Variants in UNC79 observed in about 807,000 individuals in gnomAD.
UNC79 encodes the protein protein unc-79 homolog.
In UNC79, 37 loss-of-function variants were observed where a neutral mutation model predicts 283.1. The ratio of observed to expected loss-of-function variants is 0.13; its 90% CI spans 0.10 to 0.17. The LOEUF (loss-of-function observed/expected upper bound fraction) is 0.17, where lower values mean the gene tolerates loss of function less well. Among genes scored for constraint, UNC79 ranks in the 10% least tolerant of loss-of-function variants. UNC79 has a pLI of 1.00. For missense variants in UNC79, 2,272 were observed against 3,211.1 expected (o/e 0.71, Z 7.07); for synonymous variants, 1,107 against 1,200.2 (o/e 0.92, Z 1.61).
intron 47 of UNC79, among the ~76,000 whole-genome samples, chr14:93,701,688 T>A (rs1461407018): frequency 2.6e-5 from 4 of 152,148 alleles, no homozygotes; most frequent in Non-Finnish European, 5.9e-5. Flanking sequence ...AAATTAACAT[T>A]TCTGAAATAG....
At chr14:93,389,102 A>G (rs569736757) in intron 1 of UNC79, among the ~76,000 whole-genome samples, 3 of 152,270 alleles carry the variant, frequency 2.0e-5, no homozygotes, top group African/African-American at 7.2e-5. Flanking sequence ...TTTCCTGGTC[A>G]TGGAGGATGG....
intron 4 of UNC79, among the ~76,000 whole-genome samples, chr14:93,487,325 G>A (rs1255869289): frequency 6.6e-6 from 1 of 151,852 alleles, no homozygotes; most frequent in African/African-American, 2.4e-5. Flanking sequence ...TTATCTTTGG[G>A]CACACAGAGG....
intron 1 of UNC79, among the ~76,000 whole-genome samples, chr14:93,405,380 A>G (rs548121944): frequency 2.6e-5 from 4 of 152,306 alleles, no homozygotes; most frequent in South Asian, 4.1e-4. Flanking sequence ...TGTTATATCA[A>G]TAACTAAAAA....
At chr14:93,654,229 G>A (rs1596252412) in intron 37 of UNC79, among the ~76,000 whole-genome samples, 1 of 152,250 alleles carries the variant, frequency 6.6e-6, no homozygotes, top group Non-Finnish European at 1.5e-5. Context: ...AGTGGCTCAT[G>A]CCTATAATCC....
Position 93,571,092 on chromosome 14 carries a change from A to AT in UNC79, c.1756-796dup, listed in dbSNP as rs201608839. On this transcript the variant is annotated intron_variant, in intron 14 of 48. Transcript: ENST00000555664. ...TGGAGCTTTAAAATAGAATTGATTG[A>AT]TTTTTTGGAATAATCTGGAATTCTA... is the stretch of plus-strand genomic sequence containing the variant. 5.5e-3 allele frequency among the ~76,000 whole-genome samples: 831 copies of AT among 152,312 alleles called. 3 individuals are homozygous for AT. Among genetic ancestry groups the AT allele is most frequent in the Non-Finnish European group, 6.3e-3 (426 of 68,026 alleles).
At chr14:93,463,449 A>G (rs1343379098) in intron 1 of UNC79, among the ~76,000 whole-genome samples, 1 of 152,166 alleles carries the variant, frequency 6.6e-6, no homozygotes, top group East Asian at 1.9e-4. Flanking sequence ...ATGGAAAGGC[A>G]GGAGAGAGGT....
At chr14:93,439,188 A>G (rs1411058813) in intron 1 of UNC79, among the ~76,000 whole-genome samples, 1 of 151,998 alleles carries the variant, frequency 6.6e-6, no homozygotes, top group Non-Finnish European at 1.5e-5. Flanking sequence ...CTCAATTTTT[A>G]TGCCTCTAAT....
At chr14:93,575,568 G>GT (rs1205879913) in intron 17 of UNC79, among the ~76,000 whole-genome samples, 5 of 150,674 alleles carry the variant, frequency 3.3e-5, no homozygotes, top group Admixed American at 6.6e-5. Flanking sequence ...TTGGATGATT[G>GT]TTTTTTTTTC....
At chr14:93,589,111 C>A (rs908288529) in intron 22 of UNC79, among the ~76,000 whole-genome samples, 1 of 152,062 alleles carries the variant, frequency 6.6e-6, no homozygotes, top group Non-Finnish European at 1.5e-5. Context: ...AAGAAATAAC[C>A]AAAGAATCAC....
chr14:93,557,467 C>A (rs1289752910), intron 14 of UNC79, among the ~76,000 whole-genome samples: 1 of 152,042 alleles, frequency 6.6e-6, no homozygotes, highest in South Asian at 2.1e-4. Flanking sequence ...ATCCAATAAG[C>A]CTTAATGAAG....
At chr14:93,640,497 G>T (rs371129459) in intron 32 of UNC79, among the ~76,000 whole-genome samples, 9 of 152,100 alleles carry the variant, frequency 5.9e-5, no homozygotes, top group African/African-American at 2.2e-4. Flanking sequence ...GCATTGTGGC[G>T]TGTGCCTGTA....
At chr14:93,528,744 CT>C (rs2060661192) in intron 9 of UNC79, 98 bp downstream of exon 9, 1 of 1,104,740 alleles carries the variant, frequency 9.1e-7, no homozygotes, top group African/African-American at 1.6e-5. Flanking sequence ...TAAAGTTTCT[CT>C]CTAGCCTCTC....
At chr14:93,473,989 G>A in intron 2 of UNC79, 100 bp from the exon 3 acceptor site, 1 of 1,362,828 alleles carries the variant, frequency 7.3e-7, no homozygotes. Context: ...TATGTGGAAT[G>A]TATCTGGTGT....
In UNC79 at chr14:93,593,856, A is replaced by G. The variant is rs1200445343; in HGVS notation, c.3190+19A>G. The G allele has an allele frequency of 6.2e-7, 1 of 1,609,280 alleles. No individual in the cohort carries two copies. The highest frequency in any genetic ancestry group is 1.3e-5 in the African/African-American group (1 of 74,838). ...GAAGCAGGTACCTCTGTGTTAGCTT[A>G]AAACTCATTCTGGGTCACACAGTAC... On this transcript the variant is annotated intron_variant, in intron 23 of 48. Coordinates refer to ENST00000555664, the Ensembl canonical transcript of UNC79.
rs542080653 is a variant in UNC79 at position 93,393,701 on chromosome 14, T to G, written c.-351+60178T>G. Among the ~76,000 whole-genome samples, 52 of 152,328 alleles carry G rather than the reference T, an allele frequency of 3.4e-4. No homozygotes were observed. The South Asian group carries it at 0.011, about 32-fold the overall frequency. ...ATTCTTTTTATAGGAACAATAAAAT[T>G]GAAGCAATTTTTAAAAAGCCATACC... is the stretch of plus-strand genomic sequence containing the variant. On this transcript the variant is annotated intron_variant, in intron 1 of 49. Transcript: ENST00000256339.
intron 47 of UNC79, among the ~76,000 whole-genome samples, chr14:93,703,172 C>T (rs530433058): frequency 1.3e-5 from 2 of 152,190 alleles, no homozygotes; most frequent in African/African-American, 4.8e-5. Context: ...TCTGCACACT[C>T]CCACCAATGA....
At chr14:93,685,219 T>G (rs893107919) in intron 42 of UNC79, among the ~76,000 whole-genome samples, 4 of 152,208 alleles carry the variant, frequency 2.6e-5, no homozygotes, top group Non-Finnish European at 5.9e-5. Flanking sequence ...TTATTTTCAG[T>G]GACATTTGCC....
chr14:93,530,875 C>T (rs1225981640), intron 10 of UNC79, among the ~76,000 whole-genome samples: 1 of 152,166 alleles, frequency 6.6e-6, no homozygotes, highest in African/African-American at 2.4e-5. Flanking sequence ...CCCCACTGCA[C>T]TCCAGCCTGG....
intron 29 of UNC79, among the ~76,000 whole-genome samples, chr14:93,619,859 T>C (rs1316939915): frequency 2.6e-5 from 4 of 152,240 alleles, no homozygotes; most frequent in Admixed American, 2.6e-4. Flanking sequence ...GATATTCAAC[T>C]TGAATAGTAG....
Sources: gnomAD v4.1 joint callset for allele counts (sites outside exome capture counted in the v4.1 genomes callset) on GRCh38, gnomAD v4.1.1 for gene constraint, MANE v1.5 for transcripts, NCBI Gene and HGNC (gene_info 2026-07-23, HGNC 2026-07-21) for gene names.